UBQLN1: variants seen among roughly 807,000 people sequenced by gnomAD.
UBQLN1 encodes the protein ubiquilin 1.
In UBQLN1, 13 loss-of-function variants were observed where a neutral mutation model predicts 65.4. The observed-to-expected ratio is 0.20, with a 90% CI of 0.13 to 0.32. UBQLN1 has a LOEUF of 0.32. UBQLN1 is among the 10% of genes least tolerant of loss of function. UBQLN1 has a pLI of 1.00. For synonymous variants in UBQLN1, 267 were observed against 247.8 expected (o/e 1.08, Z -0.73); for missense variants, 561 against 724.0 (o/e 0.77, Z 2.58).
At position 83,661,355 on chromosome 9, in the gene UBQLN1, T is replaced by C. The variant is rs1831558471; in HGVS notation, c.*432A>G. On this transcript the variant is annotated 3_prime_UTR_variant, in exon 11 of 11. Transcript: ENST00000376395. Reference sequence around the variant, plus strand: ...TATCAGTAGTATAAATCTTACAGCATTGTTTGCAAAAATGCATGCCAAAGT... The same window carrying C: ...TATCAGTAGTATAAATCTTACAGCACTGTTTGCAAAAATGCATGCCAAAGT... 1 of 163,536 alleles carries C rather than the reference T, an allele frequency of 6.1e-6. No homozygotes were observed. 10.1% of individuals were successfully genotyped at this position (163,536 alleles called of 1,614,324 possible). A position where few individuals can be genotyped will look rare whatever the true frequency, so the allele number is the denominator to read the frequency against.
intron 10 of UBQLN1, among the ~76,000 whole-genome samples, chr9:83,662,415 C>T (rs975250820): frequency 2.6e-5 from 4 of 151,904 alleles, no homozygotes; most frequent in East Asian, 3.9e-4. Context: ...AATGATTCTT[C>T]GAATGAATGT....
intron 1 of UBQLN1, among the ~76,000 whole-genome samples, chr9:83,706,820 A>C (rs1410507428): frequency 2.0e-5 from 3 of 152,230 alleles, no homozygotes; most frequent in African/African-American, 7.2e-5. Flanking sequence ...ATTGGCATCT[A>C]AGAGATGATA....
At chr9:83,674,111 T>C (rs1353434578) in intron 6 of UBQLN1, among the ~76,000 whole-genome samples, 1 of 152,028 alleles carries the variant, frequency 6.6e-6, no homozygotes, top group African/African-American at 2.4e-5. Context: ...GCCTCCTTCG[T>C]ACTGTTGTTC....
chr9:83,667,490 A>G, intron 7 of UBQLN1: 7 of 985,398 alleles, frequency 7.1e-6, no homozygotes, highest in Non-Finnish European at 8.4e-6. Flanking sequence ...CAATAACAAA[A>G]GCAGATGTCA....
At chr9:83,701,484 G>A (rs1230176406) in intron 1 of UBQLN1, among the ~76,000 whole-genome samples, 2 of 152,068 alleles carry the variant, frequency 1.3e-5, no homozygotes, top group East Asian at 3.9e-4. Flanking sequence ...AACAGGGTAT[G>A]GGGACTCCCC....
In UBQLN1 at chr9:83,661,156, T is replaced by C. The variant is rs1161461190; in HGVS notation, c.*631A>G. The C allele has an allele frequency of 6.6e-6, 1 of 152,296 alleles. No homozygotes were observed. Among genetic ancestry groups the C allele is most frequent in the Non-Finnish European group, 1.5e-5 (1 of 68,022 alleles). The allele number at this position is 152,296 out of a possible 1,614,324, so 9.4% of individuals were successfully genotyped here. On this transcript the variant is annotated 3_prime_UTR_variant, in exon 11 of 11. Coordinates refer to ENST00000376395, the MANE Select transcript of UBQLN1 (RefSeq NM_013438.5). Reference sequence around the variant, plus strand: ...ACCGGCACTTTTGCTGGGAGATGTTTGTCAAAGATGCTGTAAGATTCTATA... The same window carrying C: ...ACCGGCACTTTTGCTGGGAGATGTTCGTCAAAGATGCTGTAAGATTCTATA...
chr9:83,678,422 C>T lies in UBQLN1; in HGVS notation c.870+19G>A, dbSNP rs1723338604. On this transcript the variant is annotated intron_variant, in intron 5 of 10. Transcript: ENST00000376395. ...ACAGAAGCTACTCCTTGGCCTGAACCTTGGAGCCAGTGGATCACCTGCTCT... is the reference window on the plus strand; with the variant it reads ...ACAGAAGCTACTCCTTGGCCTGAACTTTGGAGCCAGTGGATCACCTGCTCT... 2.5e-6 allele frequency: 4 copies of T among 1,603,794 alleles called. No individual in the cohort carries two copies. The highest frequency in any genetic ancestry group is 3.4e-6 in the Non-Finnish European group (4 of 1,175,656).
At chr9:83,696,827 G>A (rs1344782707) in intron 1 of UBQLN1, among the ~76,000 whole-genome samples, 1 of 152,140 alleles carries the variant, frequency 6.6e-6, no homozygotes, top group Non-Finnish European at 1.5e-5. Flanking sequence ...CTCGGGGGCA[G>A]GGGGGCTGGG....
chr9:83,676,765 G>A (rs1254072625), intron 6 of UBQLN1, among the ~76,000 whole-genome samples: 1 of 152,008 alleles, frequency 6.6e-6, no homozygotes, highest in Admixed American at 6.6e-5. Flanking sequence ...TTTAAAACAT[G>A]CCCAGTCTAT....
intron 6 of UBQLN1, among the ~76,000 whole-genome samples, chr9:83,673,989 A>G (rs1245351124): frequency 2.0e-5 from 3 of 152,010 alleles, no homozygotes; most frequent in African/African-American, 7.3e-5. Context: ...TGTACAGGTG[A>G]GGTTTCACCA....
chr9:83,683,203 G>C, intron 2 of UBQLN1, 137 bp from the exon 3 acceptor site: 1 of 510,356 alleles, frequency 2.0e-6, no homozygotes, highest in South Asian at 2.4e-5. Context: ...ACGAGGTCAA[G>C]AGATAGAGAA....
At position 83,703,417 on chromosome 9, in the gene UBQLN1, T is replaced by C. The variant is rs1243029156; in HGVS notation, c.180+4083A>G. Among the ~76,000 whole-genome samples, 3 of 152,216 alleles carry C rather than the reference T, an allele frequency of 2.0e-5. No homozygotes were observed. In the South Asian group the frequency reaches 6.2e-4, roughly 32 times the overall value. On this transcript the variant is annotated intron_variant, in intron 1 of 10. Coordinates refer to ENST00000376395, the MANE Select transcript of UBQLN1 (RefSeq NM_013438.5). ...ATTTAAAATATTGTATAAAATTACC[T>C]TTAGGCTCTGTGCATAAAATGTACA...
At chr9:83,685,057 C>T (rs907833473) in intron 2 of UBQLN1, among the ~76,000 whole-genome samples, 1 of 152,122 alleles carries the variant, frequency 6.6e-6, no homozygotes, top group African/African-American at 2.4e-5. Flanking sequence ...TCATATGTAA[C>T]GGGCTTAATT....
intron 1 of UBQLN1, among the ~76,000 whole-genome samples, chr9:83,697,940 T>G (rs1036985112): frequency 5.3e-5 from 8 of 152,060 alleles, no homozygotes; most frequent in Admixed American, 2.0e-4. Context: ...TTCTCCATGT[T>G]GGTCAGGCTG....
intron 9 of UBQLN1, among the ~76,000 whole-genome samples, chr9:83,664,285 G>T (rs531900636): frequency 6.6e-6 from 1 of 152,216 alleles, no homozygotes; most frequent in Non-Finnish European, 1.5e-5. Context: ...TGGGTGTGCT[G>T]GTGCACACCT....
At chr9:83,663,307 T>C (rs1351787090) in intron 10 of UBQLN1, among the ~76,000 whole-genome samples, 5 of 152,218 alleles carry the variant, frequency 3.3e-5, no homozygotes, top group Admixed American at 1.3e-4. Flanking sequence ...ATCATCTTTA[T>C]ATAATGGCAC....
Position 83,663,070 on chromosome 9 carries a change from G to GAAA in UBQLN1, c.1617+802_1617+804dup, listed in dbSNP as rs568998289. On this transcript the variant is annotated intron_variant, in intron 10 of 10. Transcript: ENST00000376395. ...CACTTTGTCAAAAGGGAAAGGGAAA[G>GAAA]AAAAAAAAAAAAGGGAAAGGCAAAG... Among the ~76,000 whole-genome samples, 223 of 106,422 alleles carry GAAA rather than the reference G, an allele frequency of 2.1e-3. No individual in the cohort carries two copies. The East Asian group carries it at 0.027, about 13-fold the overall frequency. 69.8% of individuals were successfully genotyped at this position (106,422 alleles called of 152,430 possible).
chr9:83,672,312 T>C (rs1293642584), intron 6 of UBQLN1, among the ~76,000 whole-genome samples: 2 of 152,230 alleles, frequency 1.3e-5, no homozygotes, highest in Non-Finnish European at 2.9e-5. Flanking sequence ...CATTCACAAC[T>C]TGGCTGTTTG....
chr9:83,687,050 T>C (rs1322693135), intron 1 of UBQLN1, among the ~76,000 whole-genome samples: 1 of 152,054 alleles, frequency 6.6e-6, no homozygotes, highest in Non-Finnish European at 1.5e-5. Context: ...CTTACTTTAT[T>C]CAATATTTAT....
Sources: allele counts gnomAD v4.1 joint callset (sites outside exome capture counted in the v4.1 genomes callset), GRCh38; gene constraint gnomAD v4.1.1; transcripts MANE v1.5; gene names NCBI Gene and HGNC (gene_info 2026-07-23, HGNC 2026-07-21).